Variants in RELL1 observed in about 807,000 individuals in gnomAD.
RELL1 encodes the protein RELT like 1.
RELL1 carries 10 observed loss-of-function variants against 23.0 expected under a neutral mutation model. The ratio of observed to expected loss-of-function variants is 0.43; its 90% confidence interval spans 0.27 to 0.74. The LOEUF (loss-of-function observed/expected upper bound fraction) is 0.74. RELL1 is among the 30% of genes least tolerant of loss of function. The pLI, the probability that RELL1 is intolerant of heterozygous loss-of-function variation, is 0.19. For missense variants in RELL1, 315 were observed against 364.4 expected (o/e 0.86, Z 1.10); for synonymous variants, 146 against 146.8 (o/e 0.99, Z 0.04).
intron 5 of RELL1, among the ~76,000 whole-genome samples, chr4:37,633,610 G>C (rs1217769047): frequency 6.6e-6 from 1 of 152,074 alleles, no homozygotes; most frequent in African/African-American, 2.4e-5. Context: ...CTGTTTTGCT[G>C]TAAGTGGCAA....
intron 6 of RELL1, among the ~76,000 whole-genome samples, chr4:37,620,917 A>AAGT (rs1719739804): frequency 6.6e-6 from 1 of 152,186 alleles, no homozygotes; most frequent in Non-Finnish European, 1.5e-5. Flanking sequence ...TATCCCTACG[A>AAGT]AGTAGTAGTA....
chr4:37,591,723 A>G (rs1025591595), intron 6 of RELL1: 1 of 152,244 alleles, frequency 6.6e-6, no homozygotes, highest in African/African-American at 2.4e-5. Flanking sequence ...AAAACTGCTT[A>G]TGTCATATTT....
downstream of RELL1, among the ~76,000 whole-genome samples, chr4:37,610,349 G>A (rs1317536356): frequency 6.6e-6 from 1 of 152,068 alleles, no homozygotes; most frequent in Admixed American, 6.6e-5. This position sits in a 1 kb window ranked among gnomAD's most constrained non-coding sequence, Gnocchi z 4.1. Flanking sequence ...TTTTTTATAT[G>A]CAGTGGGAAA....
chr4:37,617,029 G>A (rs531055861), intron 6 of RELL1, among the ~76,000 whole-genome samples: 2 of 152,304 alleles, frequency 1.3e-5, no homozygotes, highest in African/African-American at 2.4e-5. Flanking sequence ...AAATTAACAC[G>A]GATACCTTCT....
intron 3 of RELL1, among the ~76,000 whole-genome samples, chr4:37,641,607 G>A (rs1315111398): frequency 1.3e-5 from 2 of 152,166 alleles, no homozygotes; most frequent in African/African-American, 4.8e-5. Flanking sequence ...CACAGGGCAA[G>A]GAAACTCCCT....
At chr4:37,673,380 CG>C in intron 1 of RELL1, among the ~76,000 whole-genome samples, 1 of 151,334 alleles carries the variant, frequency 6.6e-6, no homozygotes. Flanking sequence ...TTTGTAGAGA[CG>C]GGGTCTTGCT....
At chr4:37,641,989 G>A in intron 3 of RELL1, among the ~76,000 whole-genome samples, 1 of 152,176 alleles carries the variant, frequency 6.6e-6, no homozygotes, top group East Asian at 1.9e-4. Flanking sequence ...CACAGCTAGA[G>A]AGTGACAGGC....
chr4:37,683,540 T>A (rs961742690), intron 1 of RELL1, among the ~76,000 whole-genome samples: 2 of 146,534 alleles, frequency 1.4e-5, no homozygotes, highest in African/African-American at 5.1e-5. Flanking sequence ...GCGGATCACT[T>A]GAGGTCAGGA....
chr4:37,604,965 A>G (rs1577558362), intron 6 of RELL1, among the ~76,000 whole-genome samples: 1 of 151,898 alleles, frequency 6.6e-6, no homozygotes, highest in East Asian at 1.9e-4. Flanking sequence ...AGACACACAC[A>G]TACACACAGT....
intron 1 of RELL1, among the ~76,000 whole-genome samples, chr4:37,683,536 C>T (rs1722289979): frequency 6.6e-6 from 1 of 151,830 alleles, no homozygotes; most frequent in African/African-American, 2.4e-5. Flanking sequence ...AAGGGCGGAT[C>T]ACTTGAGGTC....
chr4:37,662,707 T>C (rs984568611), intron 1 of RELL1, among the ~76,000 whole-genome samples: 1 of 152,092 alleles, frequency 6.6e-6, no homozygotes, highest in African/African-American at 2.4e-5. Flanking sequence ...GGGTTTACCA[T>C]TTGAAGTTAT....
At chr4:37,604,442 CCAAAT>C (rs1321397573) in intron 6 of RELL1, among the ~76,000 whole-genome samples, 2 of 152,100 alleles carry the variant, frequency 1.3e-5, no homozygotes, top group Admixed American at 6.6e-5. Flanking sequence ...TCACAAATGA[CCAAAT>C]CAACCTTTCC....
intron 6 of RELL1, chr4:37,622,749 A>C: frequency 6.7e-6 from 3 of 447,474 alleles, no homozygotes; most frequent in South Asian, 4.7e-5. Context: ...ACACTGCCAC[A>C]TCCCTAAACA....
intron 1 of RELL1, among the ~76,000 whole-genome samples, chr4:37,669,708 G>GCTACA (rs1721755816): frequency 6.6e-6 from 1 of 152,174 alleles, no homozygotes; most frequent in Non-Finnish European, 1.5e-5. Context: ...TTCTACCTTG[G>GCTACA]GATCCTGTTG....
chr4:37,643,439 C>T (rs1225551676), intron 3 of RELL1, among the ~76,000 whole-genome samples: 5 of 152,108 alleles, frequency 3.3e-5, no homozygotes, highest in African/African-American at 4.8e-5. Flanking sequence ...ACTTAAAATG[C>T]GAAGCAGAAA....
At chr4:37,678,298 TCCACCAGGCC>T (rs143284065) in intron 1 of RELL1, among the ~76,000 whole-genome samples, 52 of 152,290 alleles carry the variant, frequency 3.4e-4, no homozygotes, top group African/African-American at 1.3e-3. Flanking sequence ...CCAATCACCT[TCCACCAGGCC>T]CCACCTCTAA....
rs1252690423 is a variant in RELL1, at chr4:37,686,263, A to T, written c.25T>A (p.Ser9Thr). 2 of 1,554,714 alleles carry T rather than the reference A, an allele frequency of 1.3e-6. No individual in the cohort carries two copies. Among genetic ancestry groups the T allele is most frequent in the Non-Finnish European group, 1.7e-6 (2 of 1,159,238 alleles). MAPRALPG[S>T]AVLAAAVFVG... ...AAGACAGCAGCGGCTAGGACGGCGG[A>T]CCCCGGGAGTGCCCGCGGAGCCATC... Residue 9 changes from serine to threonine, a missense_variant, in exon 1 of 7, where the codon TCC becomes ACC. Coordinates refer to ENST00000454158, the MANE Select transcript of RELL1 (RefSeq NM_001085400.2).
rs537293027 is a variant in RELL1, at chr4:37,649,404, G to T, written c.185C>A (p.Ala62Glu). ...GNGHPEYIAYALVPVFFIMGL... is the reference protein window; with the variant it reads ...GNGHPEYIAYELVPVFFIMGL... ...CATGATAAAGAACACAGGGACAAGC[G>T]CGTATGCAATATATTCTGGGTGTCC... Residue 62 changes from alanine to glutamate, a missense_variant, in exon 2 of 7, where the codon GCG becomes GAG. Ala to Glu is a moderately radical substitution (Grantham distance 107). Coordinates refer to ENST00000454158, the MANE Select transcript of RELL1 (RefSeq NM_001085400.2). 2 of 1,614,212 alleles carry T rather than the reference G, an allele frequency of 1.2e-6. No individual in the cohort carries two copies. The highest frequency in any genetic ancestry group is 1.7e-5 in the Admixed American group (1 of 60,022).
chr4:37,622,798 G>GTTTTTTTTTT (rs771576367), intron 6 of RELL1: 3 of 418,314 alleles, frequency 7.2e-6, no homozygotes, highest in Admixed American at 2.6e-5. Flanking sequence ...CTCAAGTAAT[G>GTTTTTTTTTT]CTTTTTTTTT....
Sources: gnomAD v4.1 joint callset for allele counts (sites outside exome capture counted in the v4.1 genomes callset) on GRCh38, gnomAD v4.1.1 for gene constraint, Gnocchi (gnomAD v3.1) non-coding constraint, MANE v1.5 for transcripts, NCBI Gene and HGNC (gene_info 2026-07-23, HGNC 2026-07-21) for gene names.